MYO18A: variants seen among roughly 807,000 people sequenced by gnomAD.
MYO18A encodes the protein unconventional myosin-XVIIIa.
A neutral mutation model predicts 235.8 loss-of-function variants in MYO18A; 78 were observed. That is an observed-to-expected ratio of 0.33 (90% CI 0.28 to 0.40). MYO18A has a LOEUF of 0.40. Among genes scored for constraint, MYO18A ranks in the 10% least tolerant of loss-of-function variants. The probability of loss-of-function intolerance (pLI) is 1.00; values close to 1 mark genes in which losing one functional copy is unlikely to be tolerated. For synonymous variants in MYO18A, 977 were observed against 1,077.8 expected, an observed-to-expected ratio of 0.91 and a Z score of 1.83; for missense variants, 2,215 against 2,699.3, an observed-to-expected ratio of 0.82 and a Z score of 3.98.
intron 37 of MYO18A, among the ~76,000 whole-genome samples, chr17:29,089,141 G>A (rs1390318568): frequency 6.6e-6 from 1 of 151,506 alleles, no homozygotes; most frequent in Non-Finnish European, 1.5e-5. Context: ...AAATAAGATT[G>A]GAGAGAGGAA....
At position 29,072,558 on chromosome 17, in the gene MYO18A, GTTTCTATCCT is replaced by G. The variant is rs1337457179; in HGVS notation, c.*2202_*2211del. The G allele has an allele frequency of 6.6e-6, 1 of 152,206 alleles. No homozygotes were observed. Among genetic ancestry groups the G allele is most frequent in the South Asian group, 2.1e-4 (1 of 4,826 alleles). 9.4% of individuals were successfully genotyped at this position (152,206 alleles called of 1,614,324 possible). ...GACAAGTAACTTCCCTTTTACTATTGTTTCTATCCTCTTCTCTGTTCTATCGTGGGGCAAT... is the reference window on the plus strand; with the variant it reads ...GACAAGTAACTTCCCTTTTACTATTGCTTCTCTGTTCTATCGTGGGGCAAT... On this transcript the variant is annotated 3_prime_UTR_variant, in exon 42 of 42. Transcript: ENST00000527372.
At chr17:29,085,364 C>T (rs531090209) in intron 40 of MYO18A, among the ~76,000 whole-genome samples, 43 of 152,340 alleles carry the variant, frequency 2.8e-4, no homozygotes, top group African/African-American at 1.0e-3. Context: ...GGAGCCCCCC[C>T]ATCCTGCCCA....
Position 29,120,809 on chromosome 17 carries a change from C to G in MYO18A, c.1586-51G>C, listed in dbSNP as rs1265327802. 6.3e-7 allele frequency: 1 copy of G among 1,590,710 alleles called. No homozygotes were observed. The highest frequency in any genetic ancestry group is 1.3e-5 in the African/African-American group (1 of 74,608). ...ATCAGGAAAGCCAGGGGCAGCTTAT[C>G]CCCCAGCTAGGAGCTACCCCAGAGG... On this transcript the variant is annotated intron_variant, in intron 6 of 41. Transcript: ENST00000527372. This position sits in a 1 kb window ranked among gnomAD's most constrained non-coding sequence, Gnocchi z 4.2.
rs759781765 is a variant in MYO18A at position 29,158,273 on chromosome 17, C to T, written c.999+7669G>A. Among the ~76,000 whole-genome samples, 1 of 152,206 alleles carries T rather than the reference C, an allele frequency of 6.6e-6. No individual in the cohort carries two copies. The highest frequency in any genetic ancestry group is 1.5e-5 in the Non-Finnish European group (1 of 68,040). ...TCGCACCAGGGCAGAACACCATGCC[C>T]TGATTCTGGAGAACATATGGCGGGA... On this transcript the variant is annotated intron_variant, in intron 2 of 41. Coordinates refer to ENST00000527372, the MANE Select transcript of MYO18A (RefSeq NM_078471.4). This position sits in a 1 kb window ranked among gnomAD's most constrained non-coding sequence, Gnocchi z 4.3.
In MYO18A at chr17:29,140,517, C is replaced by T. The variant is rs967672777; in HGVS notation, c.1000-18264G>A. ...TTGGAGCCAGCAGCCCGGAGGACTT[C>T]GGGTATCAGGTATGCCAGGAGGGAG... On this transcript the variant is annotated intron_variant, in intron 2 of 41. Coordinates refer to ENST00000527372, the MANE Select transcript of MYO18A (RefSeq NM_078471.4). The surrounding 1 kb of genome is among the most constrained non-coding windows in gnomAD (Gnocchi z 4.2). 7.1e-6 allele frequency: 6 copies of T among 842,858 alleles called. No individual in the cohort carries two copies. Among genetic ancestry groups the T allele is most frequent in the Admixed American group, 4.5e-5 (1 of 22,306 alleles). 52.2% of individuals were successfully genotyped at this position (842,858 alleles called of 1,614,324 possible).
chr17:29,114,073 C>G lies in MYO18A; in HGVS notation c.2536G>C (p.Asp846His). ...KEENIELAFD[D>H]LEPPTDDSVA... ...GAGTCATCCGTCGGGGGTTCCAAGT[C>G]GTCAAACGCCAGCTCGATGTTCTCC... The change falls in exon 15 of 42, where the codon GAC (aspartate) becomes CAC (histidine). Residue 846 changes from aspartate (D) to histidine (H), a missense_variant. Physicochemically the swap from Asp to His is moderately conservative, Grantham distance 81 (BLOSUM62 -1). Transcript: ENST00000527372. 1 of 1,601,034 alleles carries G rather than the reference C, an allele frequency of 6.2e-7. No homozygotes were observed. The highest frequency in any genetic ancestry group is 8.5e-7 in the Non-Finnish European group (1 of 1,174,162).
intron 1 of MYO18A, among the ~76,000 whole-genome samples, chr17:29,177,566 G>C (rs959897241): frequency 3.9e-5 from 6 of 152,092 alleles, no homozygotes; most frequent in Non-Finnish European, 5.9e-5. Flanking sequence ...AAATGCTAGG[G>C]GGAAGAAATG....
intron 15 of MYO18A, among the ~76,000 whole-genome samples, chr17:29,113,293 C>G (rs2066978417): frequency 6.6e-6 from 1 of 152,202 alleles, no homozygotes; most frequent in Admixed American, 6.5e-5. Flanking sequence ...CAAAGCAGAG[C>G]AGGGAGGTCG....
In MYO18A at chr17:29,166,186, C is replaced by T. The variant is rs777565962; in HGVS notation, c.755G>A (p.Arg252His). The change falls in exon 2 of 42, where the codon CGT becomes CAT. Residue 252 changes from arginine to histidine, a missense_variant. By Grantham distance (29) the Arg-to-His change is conservative. Coordinates refer to ENST00000527372, the MANE Select transcript of MYO18A (RefSeq NM_078471.4). ...DRGPEGQACR[R>H]VVHFAEPGAG... The stretch of plus-strand genomic sequence containing the variant: ...ACCAGGCTCAGCAAAGTGGACCACA[C>T]GCCGACAGGCCTGGCCCTCGGGGCC... 3.3e-5 allele frequency: 54 copies of T among 1,612,714 alleles called. No individual in the cohort carries two copies. The highest frequency in any genetic ancestry group is 4.2e-5 in the Non-Finnish European group (50 of 1,179,892).
intron 2 of MYO18A, among the ~76,000 whole-genome samples, chr17:29,136,250 A>AAAAATAT (rs1483354837): frequency 3.6e-5 from 3 of 82,472 alleles, no homozygotes; most frequent in Non-Finnish European, 4.8e-5. Context: ...AAAAAAAAAA[A>AAAAATAT]ATATATATAT....
chr17:29,137,262 T>C lies in MYO18A; in HGVS notation c.1000-15009A>G, dbSNP rs115693047. 2.6e-3 allele frequency among the ~76,000 whole-genome samples: 398 copies of C among 152,330 alleles called. 1 individual carries two copies. The highest frequency in any genetic ancestry group is 9.3e-3 in the African/African-American group (385 of 41,568). On this transcript the variant is annotated intron_variant, in intron 2 of 41. Coordinates refer to ENST00000527372, the MANE Select transcript of MYO18A (RefSeq NM_078471.4). The stretch of plus-strand genomic sequence containing the variant: ...TCTTACTCATCATACTGTAGGCGCT[T>C]AATAAATGTTAGCTGCACGAGAGTG...
At chr17:29,093,462 CT>C (rs1044196035) in intron 31 of MYO18A, 35 bp from the exon 32 acceptor site, 2 of 1,542,478 alleles carry the variant, frequency 1.3e-6, no homozygotes, top group Admixed American at 3.4e-5. Context: ...CCGTCCGTCC[CT>C]TTAGTGCCTG....
chr17:29,074,651 G>C lies in MYO18A; in HGVS notation c.*119C>G. The C allele has an allele frequency of 8.9e-7, 1 of 1,121,526 alleles. No individual in the cohort carries two copies. The highest frequency in any genetic ancestry group is 2.4e-5 in the East Asian group (1 of 42,108). The allele number at this position is 1,121,526 out of a possible 1,614,324, so 69.5% of individuals were successfully genotyped here. A position where few individuals can be genotyped will look rare whatever the true frequency, so the allele number is the denominator to read the frequency against. On this transcript the variant is annotated 3_prime_UTR_variant, in exon 42 of 42. Coordinates refer to ENST00000527372, the MANE Select transcript of MYO18A (RefSeq NM_078471.4). The surrounding 1 kb of genome is among the most constrained non-coding windows in gnomAD (Gnocchi z 4.4). ...GTGCCCCTGACAGAAGAAGGTCAGG[G>C]TGTTTCCCATGCAGATCAGCAGTCG...
At chr17:29,081,454 C>T (rs2066121357) in intron 41 of MYO18A, among the ~76,000 whole-genome samples, 1 of 151,982 alleles carries the variant, frequency 6.6e-6, no homozygotes, top group African/African-American at 2.4e-5. Context: ...TGGTGAGGGG[C>T]CAGGCTTGGG....
At position 29,097,357 on chromosome 17, in the gene MYO18A, G is replaced by T; in HGVS notation, c.4103-7C>A. The T allele has an allele frequency of 6.2e-7, 1 of 1,607,022 alleles. No homozygotes were observed. On this transcript the variant is annotated splice_polypyrimidine_tract_variant and splice_region_variant and intron_variant, in intron 26 of 41. Coordinates refer to ENST00000527372, the MANE Select transcript of MYO18A (RefSeq NM_078471.4). Reference sequence around the variant, plus strand: ...TTCAGCCGCCACTCGCCACCTGTGGGGTTGAGGCAGACAAGGGAGGATGGA... The same window carrying T: ...TTCAGCCGCCACTCGCCACCTGTGGTGTTGAGGCAGACAAGGGAGGATGGA...
intron 41 of MYO18A, chr17:29,080,193 ATCC>A: frequency 1.0e-6 from 1 of 985,990 alleles, no homozygotes; most frequent in Non-Finnish European, 1.2e-6. Context: ...TCTTCCTGTC[ATCC>A]TCCTCGGAGT....
In MYO18A at chr17:29,115,033, G is replaced by A; in HGVS notation, c.2385C>T (p.Asn795=). Residue 795 remains asparagine (N), a synonymous_variant, in exon 14 of 42, where the codon AAC becomes AAT. Coordinates refer to ENST00000527372, the MANE Select transcript of MYO18A (RefSeq NM_078471.4). ...MMIVDTPGFQ[N]PEQGGSARGA... ...CGCGGGCTGACCCACCCTGCTCAGG[G>A]TTCTGGAAGCCCGGGGTGTCGACAA... The A allele has an allele frequency of 1.2e-6, 2 of 1,614,000 alleles. No individual in the cohort carries two copies. Among genetic ancestry groups the A allele is most frequent in the Non-Finnish European group, 1.7e-6 (2 of 1,179,884 alleles).
chr17:29,106,420 C>T lies in MYO18A; in HGVS notation c.3441+660G>A, dbSNP rs914291271. Among the ~76,000 whole-genome samples, 1 of 152,184 alleles carries T rather than the reference C, an allele frequency of 6.6e-6. No individual in the cohort carries two copies. Among genetic ancestry groups the T allele is most frequent in the Non-Finnish European group, 1.5e-5 (1 of 68,030 alleles). On this transcript the variant is annotated intron_variant, in intron 20 of 41. Coordinates refer to ENST00000527372, the MANE Select transcript of MYO18A (RefSeq NM_078471.4). This position sits in a 1 kb window ranked among gnomAD's most constrained non-coding sequence, Gnocchi z 4.6. ...CACTCTGTGGGCTTTCTGCCCCATT[C>T]TGCAGCATCCTCTCCATTTAGGGAA...
At chr17:29,153,002 A>AATGG (rs2152952243) in intron 2 of MYO18A, among the ~76,000 whole-genome samples, 1 of 152,322 alleles carries the variant, frequency 6.6e-6, no homozygotes, top group Non-Finnish European at 1.5e-5. Flanking sequence ...GGTGTGAACC[A>AATGG]CCATGCCTGG....
Sources: gnomAD v4.1 joint callset for allele counts (sites outside exome capture counted in the v4.1 genomes callset) on GRCh38, gnomAD v4.1.1 for gene constraint, Gnocchi (gnomAD v3.1) non-coding constraint, MANE v1.5 for transcripts, NCBI Gene and HGNC (gene_info 2026-07-23, HGNC 2026-07-21) for gene names.